Variants in NALF1 observed in about 807,000 individuals in gnomAD.
NALF1 encodes the protein family with sequence similarity 155 member A.
In NALF1, 3 loss-of-function variants were observed where a neutral mutation model predicts 48.4. The ratio of observed to expected loss-of-function variants is 0.06; its 90% CI spans 0.03 to 0.16. The LOEUF is 0.16. Among genes scored for constraint, NALF1 ranks in the 10% least tolerant of loss-of-function variants. The probability of loss-of-function intolerance (pLI) is 1.00; values close to 1 mark genes in which losing one functional copy is unlikely to be tolerated. For missense variants in NALF1, 526 were observed against 571.5 expected (o/e 0.92, Z 0.81); for synonymous variants, 262 against 245.7 (o/e 1.07, Z -0.62).
At chr13:107,630,954 C>A (rs1879819320) in intron 1 of NALF1, among the ~76,000 whole-genome samples, 1 of 152,062 alleles carries the variant, frequency 6.6e-6, no homozygotes, top group Non-Finnish European at 1.5e-5. Context: ...TGGAAATATT[C>A]TCTTATGTTG....
chr13:107,369,362 G>A (rs1449857055), intron 1 of NALF1, among the ~76,000 whole-genome samples: 1 of 152,052 alleles, frequency 6.6e-6, no homozygotes. Flanking sequence ...TGAAAAAATA[G>A]AATTGCCTAT....
intron 1 of NALF1, among the ~76,000 whole-genome samples, chr13:107,296,453 T>A (rs1881729266): frequency 1.3e-5 from 2 of 152,312 alleles, no homozygotes; most frequent in East Asian, 3.9e-4. Flanking sequence ...AGGTGTAATA[T>A]GCTACCTGAA....
At chr13:107,291,727 A>C (rs1219597722) in intron 1 of NALF1, among the ~76,000 whole-genome samples, 1 of 152,198 alleles carries the variant, frequency 6.6e-6, no homozygotes, top group Admixed American at 6.5e-5. Flanking sequence ...CTACAAAATC[A>C]AAGATGTAAC....
At chr13:107,597,782 A>T (rs1345210716) in intron 1 of NALF1, among the ~76,000 whole-genome samples, 1 of 152,180 alleles carries the variant, frequency 6.6e-6, no homozygotes, top group Non-Finnish European at 1.5e-5. Flanking sequence ...TTATTTTAAA[A>T]ATCAATCAAA....
chr13:107,348,744 G>A (rs183425063), intron 1 of NALF1, among the ~76,000 whole-genome samples: 4 of 152,136 alleles, frequency 2.6e-5, no homozygotes, highest in Non-Finnish European at 4.4e-5. Context: ...ATTTTCAGAC[G>A]AAGCAGGCAT....
At chr13:107,620,629 C>A (rs989060851) in intron 1 of NALF1, among the ~76,000 whole-genome samples, 3 of 152,164 alleles carry the variant, frequency 2.0e-5, no homozygotes, top group Non-Finnish European at 1.5e-5. Context: ...TATTCCACTA[C>A]TCTTTGGCCA....
chr13:107,790,213 G>A (rs555821364), intron 1 of NALF1, among the ~76,000 whole-genome samples: 6 of 152,204 alleles, frequency 3.9e-5, no homozygotes, highest in African/African-American at 1.4e-4. Flanking sequence ...AGTCTTTCAC[G>A]TGTATTTACA....
intron 2 of NALF1, among the ~76,000 whole-genome samples, chr13:107,191,833 A>ATTTTTTTT (rs66566638): frequency 4.5e-4 from 50 of 112,186 alleles, no homozygotes; most frequent in African/African-American, 6.7e-4. Context: ...CACTATGCCT[A>ATTTTTTTT]TTTTTTTTTT....
intron 1 of NALF1, among the ~76,000 whole-genome samples, chr13:107,356,570 T>A (rs1460536312): frequency 6.6e-6 from 1 of 152,198 alleles, no homozygotes; most frequent in East Asian, 1.9e-4. Flanking sequence ...CATAGTCTGC[T>A]GTTTTCCTCA....
intron 1 of NALF1, among the ~76,000 whole-genome samples, chr13:107,397,478 A>G (rs1195782800): frequency 6.6e-6 from 1 of 152,156 alleles, no homozygotes; most frequent in Non-Finnish European, 1.5e-5. Flanking sequence ...CATGAATTAC[A>G]TATACTATCA....
intron 1 of NALF1, among the ~76,000 whole-genome samples, chr13:107,573,676 CAT>C (rs1399273912): frequency 2.0e-5 from 3 of 146,820 alleles, no homozygotes; most frequent in African/African-American, 2.4e-5. Context: ...ACGATTCCCA[CAT>C]GTCATGGGGG....
chr13:107,802,707 T>C (rs1046449076), intron 1 of NALF1, among the ~76,000 whole-genome samples: 1 of 152,134 alleles, frequency 6.6e-6, no homozygotes, highest in Non-Finnish European at 1.5e-5. Context: ...TGATGCTTAG[T>C]AGAGAGTATA....
At chr13:107,565,757 A>G (rs1877793254) in intron 1 of NALF1, among the ~76,000 whole-genome samples, 1 of 152,146 alleles carries the variant, frequency 6.6e-6, no homozygotes. Context: ...GTAACTTACA[A>G]CCATTAATTA....
intron 1 of NALF1, among the ~76,000 whole-genome samples, chr13:107,549,865 G>C (rs915136652): frequency 6.6e-6 from 1 of 151,196 alleles, no homozygotes; most frequent in South Asian, 2.1e-4. Context: ...TTCTGATACA[G>C]GATCCAATCC....
chr13:107,652,546 A>T (rs749266607), intron 1 of NALF1, among the ~76,000 whole-genome samples: 72 of 152,160 alleles, frequency 4.7e-4, no homozygotes, highest in Non-Finnish European at 8.5e-4. Context: ...TGCACACAGA[A>T]GTCAGCCTCC....
intron 1 of NALF1, among the ~76,000 whole-genome samples, chr13:107,656,229 A>T (rs1382028117): frequency 6.6e-6 from 1 of 152,100 alleles, no homozygotes; most frequent in African/African-American, 2.4e-5. Context: ...AGGACCACAG[A>T]GTGGGAAAAA....
chr13:107,734,222 G>A (rs1876396564), intron 1 of NALF1, among the ~76,000 whole-genome samples: 1 of 152,010 alleles, frequency 6.6e-6, no homozygotes, highest in Non-Finnish European at 1.5e-5. Context: ...CAGGGCACAT[G>A]ACCGTCTACG....
intron 1 of NALF1, among the ~76,000 whole-genome samples, chr13:107,703,411 G>C (rs1185346005): frequency 6.7e-6 from 1 of 149,008 alleles, no homozygotes; most frequent in Non-Finnish European, 1.5e-5. Context: ...CACCCAGCTG[G>C]AGTGCAATGG....
intron 1 of NALF1, among the ~76,000 whole-genome samples, chr13:107,644,880 C>G (rs573294476): frequency 2.0e-5 from 3 of 151,648 alleles, no homozygotes; most frequent in African/African-American, 7.3e-5. Flanking sequence ...TAATCACTGC[C>G]GTAGATGTGT....
Sources: gnomAD v4.1 joint callset for allele counts (sites outside exome capture counted in the v4.1 genomes callset) on GRCh38, gnomAD v4.1.1 for gene constraint, MANE v1.5 for transcripts, NCBI Gene and HGNC (gene_info 2026-07-23, HGNC 2026-07-21) for gene names.